PPP2R5A: variants seen among roughly 807,000 people sequenced by gnomAD.
PPP2R5A encodes serine/threonine-protein phosphatase 2A 56 kDa regulatory subunit alpha isoform.
PPP2R5A carries 25 observed loss-of-function variants against 64.2 expected under a neutral mutation model. The observed-to-expected ratio is 0.39, with a 90% CI of 0.28 to 0.54. The LOEUF is 0.54. Ranked by LOEUF, PPP2R5A falls within the 20% of genes least tolerant of loss-of-function variation. The probability of loss-of-function intolerance (pLI) is 0.67; values close to 1 mark genes in which losing one functional copy is unlikely to be tolerated. For synonymous variants in PPP2R5A, 198 were observed against 201.2 expected, an observed-to-expected ratio of 0.98 and a Z score of 0.13; for missense variants, 425 against 576.3, an observed-to-expected ratio of 0.74 and a Z score of 2.69.
chr1:212,358,618 G>T, intron 11 of PPP2R5A, 68 bp from the exon 12 acceptor site: 1 of 1,163,620 alleles, frequency 8.6e-7, no homozygotes, highest in South Asian at 1.4e-5. Flanking sequence ...CCATTTTAGA[G>T]ACCATAGTGT....
intron 1 of PPP2R5A, among the ~76,000 whole-genome samples, chr1:212,322,298 T>G (rs1454200028): frequency 7.7e-6 from 1 of 129,728 alleles, no homozygotes; most frequent in African/African-American, 3.0e-5. Flanking sequence ...AGGGAGAGCT[T>G]CTTACAGATT....
In PPP2R5A at chr1:212,356,847, TG is replaced by T. The variant is rs1296102390; in HGVS notation, c.979-102del. ...AAACTCTGCCATCCAGACATTTTTT[TG>T]CTTATTGTATACTATGCAGATTAAC... On this transcript the variant is annotated intron_variant, in intron 9 of 12. Transcript: ENST00000261461. 7.8e-6 allele frequency: 10 copies of T among 1,278,812 alleles called. No homozygotes were observed. The Admixed American group carries it at 2.8e-4, about 36-fold the overall frequency. 79.2% of individuals were successfully genotyped at this position (1,278,812 alleles called of 1,614,324 possible). A position where few individuals can be genotyped will look rare whatever the true frequency, so the allele number is the denominator to read the frequency against.
chr1:212,310,437 C>T (rs1001422273), intron 1 of PPP2R5A, among the ~76,000 whole-genome samples: 2 of 151,620 alleles, frequency 1.3e-5, no homozygotes, highest in Admixed American at 1.3e-4. Context: ...TTTTTAATGC[C>T]CTGTTGTAAA....
chr1:212,324,761 T>C (rs556933440), intron 1 of PPP2R5A, among the ~76,000 whole-genome samples: 73 of 152,230 alleles, frequency 4.8e-4, no homozygotes, highest in African/African-American at 1.6e-3. Flanking sequence ...CCTGCCACCA[T>C]GCCCGGCTAA....
intron 8 of PPP2R5A, among the ~76,000 whole-genome samples, chr1:212,352,189 AG>A (rs1039857012): frequency 1.3e-4 from 19 of 151,110 alleles, no homozygotes. Flanking sequence ...ACGCCCGGCT[AG>A]GTTTTTTTTT....
intron 1 of PPP2R5A, among the ~76,000 whole-genome samples, chr1:212,327,832 T>C (rs916343564): frequency 1.3e-5 from 2 of 151,198 alleles, no homozygotes; most frequent in African/African-American, 4.9e-5. Flanking sequence ...CTGCATTGAT[T>C]GATTGAGATG....
chr1:212,345,840 G>A lies in PPP2R5A; in HGVS notation c.611G>A (p.Arg204His). Reference protein sequence around the residue: ...ELFDSEDPRERDFLKTVLHRI... With the variant: ...ELFDSEDPREHDFLKTVLHRI... ...TTTGATAGTGAAGATCCCAGAGAACGTGACTTCCTGAAGACTGTTCTGCAC... is the reference window on the plus strand; with the variant it reads ...TTTGATAGTGAAGATCCCAGAGAACATGACTTCCTGAAGACTGTTCTGCAC... The change falls in exon 5 of 13, where the codon CGT becomes CAT. Residue 204 changes from arginine (R) to histidine (H), a missense_variant. By Grantham distance (29) the Arg-to-His change is conservative. Transcript: ENST00000261461. 1.9e-6 allele frequency: 3 copies of A among 1,609,730 alleles called. No homozygotes were observed. Among genetic ancestry groups the A allele is most frequent in the Non-Finnish European group, 2.5e-6 (3 of 1,178,618 alleles).
intron 6 of PPP2R5A, 93 bp downstream of exon 6, chr1:212,347,499 T>C: frequency 1.0e-6 from 1 of 968,408 alleles, no homozygotes; most frequent in Non-Finnish European, 1.6e-6. Flanking sequence ...TTATGTCATA[T>C]TTTAGAGTTT....
chr1:212,301,231 G>A (rs1571577030), intron 1 of PPP2R5A, among the ~76,000 whole-genome samples: 1 of 152,236 alleles, frequency 6.6e-6, no homozygotes, highest in Middle Eastern at 3.4e-3. Context: ...GCTTGGTCTC[G>A]AACTCCTGGC....
At chr1:212,319,240 C>T (rs1558145666) in intron 1 of PPP2R5A, 1 of 152,186 alleles carries the variant, frequency 6.6e-6, no homozygotes, top group African/African-American at 2.4e-5. Flanking sequence ...ACCTTGTCAG[C>T]CACAACTCTA....
intron 3 of PPP2R5A, among the ~76,000 whole-genome samples, chr1:212,341,470 T>C (rs912367019): frequency 7.9e-5 from 12 of 152,224 alleles, no homozygotes; most frequent in African/African-American, 2.9e-4. Flanking sequence ...TGGAGGTTGT[T>C]GACTCTGCAT....
Position 212,360,914 on chromosome 1 carries a change from A to G in PPP2R5A, c.*144A>G. ...CAACTGTAAATGGAAAAATATATGG[A>G]CTAAACGTAGCCCTGTGCTGTATCA... On this transcript the variant is annotated 3_prime_UTR_variant, in exon 13 of 13. Transcript: ENST00000261461. The G allele has an allele frequency of 1.5e-6, 1 of 672,648 alleles. No homozygotes were observed. Among genetic ancestry groups the G allele is most frequent in the Non-Finnish European group, 2.3e-6 (1 of 443,538 alleles). 41.7% of individuals were successfully genotyped at this position (672,648 alleles called of 1,614,324 possible).
intron 1 of PPP2R5A, among the ~76,000 whole-genome samples, chr1:212,316,368 G>A (rs937829247): frequency 6.6e-6 from 1 of 152,134 alleles, no homozygotes; most frequent in Non-Finnish European, 1.5e-5. Context: ...AGTTTGAGTG[G>A]TCTGAATAGA....
In PPP2R5A at chr1:212,322,053, C is replaced by G. The variant is rs1002513270; in HGVS notation, c.182-7082C>G. 2.6e-5 allele frequency among the ~76,000 whole-genome samples: 4 copies of G among 151,420 alleles called. No homozygotes were observed. The South Asian group carries it at 8.4e-4, about 32-fold the overall frequency. On this transcript the variant is annotated intron_variant, in intron 1 of 12. Coordinates refer to ENST00000261461, the MANE Select transcript of PPP2R5A (RefSeq NM_006243.4). ...AAATACGAAAACCAGTCAGGCGTGG[C>G]GGCGCGCGCCTGCAATCGCAGGCAC... is the stretch of plus-strand genomic sequence containing the variant.
chr1:212,344,474 G>A (rs1659739060), intron 4 of PPP2R5A, among the ~76,000 whole-genome samples: 1 of 152,182 alleles, frequency 6.6e-6, no homozygotes, highest in Non-Finnish European at 1.5e-5. Context: ...AGATGCATGT[G>A]TTAGCAATTG....
chr1:212,347,522 C>A, intron 6 of PPP2R5A, 116 bp downstream of exon 6: 5 of 704,972 alleles, frequency 7.1e-6, no homozygotes, highest in Non-Finnish European at 6.9e-6. Context: ...ATGTAGAACA[C>A]ATAGTTTCTC....
chr1:212,311,218 C>T (rs1004557870), intron 1 of PPP2R5A, among the ~76,000 whole-genome samples: 1 of 152,180 alleles, frequency 6.6e-6, no homozygotes, highest in East Asian at 1.9e-4. Flanking sequence ...AAGCCTATCC[C>T]AGCACTTCGG....
intron 1 of PPP2R5A, among the ~76,000 whole-genome samples, chr1:212,302,421 C>G (rs1364755135): frequency 6.6e-6 from 1 of 152,050 alleles, no homozygotes; most frequent in Non-Finnish European, 1.5e-5. Flanking sequence ...AAAGACAAAA[C>G]TAGTGGATTC....
At chr1:212,308,571 G>C (rs956083892) in intron 1 of PPP2R5A, among the ~76,000 whole-genome samples, 1 of 151,942 alleles carries the variant, frequency 6.6e-6, no homozygotes, top group Non-Finnish European at 1.5e-5. Flanking sequence ...ACCATGCCCG[G>C]CTAATTTTTG....
Sources: gnomAD v4.1 joint callset for allele counts (sites outside exome capture counted in the v4.1 genomes callset) on GRCh38, gnomAD v4.1.1 for gene constraint, MANE v1.5 for transcripts, NCBI Gene and HGNC (gene_info 2026-07-23, HGNC 2026-07-21) for gene names.